Variants in RPTOR observed in about 807,000 individuals in gnomAD.
RPTOR encodes the protein regulatory associated protein of MTOR complex 1.
Under a neutral mutation model 169.9 loss-of-function variants are expected in RPTOR, and 21 were observed. That is an observed-to-expected ratio of 0.12 (90% CI 0.09 to 0.18). The LOEUF is 0.18. Among genes scored for constraint, RPTOR ranks in the 10% least tolerant of loss-of-function variants. The pLI, the probability that RPTOR is intolerant of heterozygous loss-of-function variation, is 1.00. For synonymous variants in RPTOR, 732 were observed against 753.2 expected, an observed-to-expected ratio of 0.97 and a Z score of 0.46; for missense variants, 1,133 against 1,855.9, an observed-to-expected ratio of 0.61 and a Z score of 7.16.
intron 1 of RPTOR, among the ~76,000 whole-genome samples, chr17:80,547,070 A>AAAAT (rs1200580965): frequency 2.0e-5 from 3 of 152,170 alleles, no homozygotes; most frequent in East Asian, 1.9e-4. Context: ...CTGTGTCTCA[A>AAAAT]AAATAAATAA....
chr17:80,951,067 G>T (rs1478837552), intron 28 of RPTOR, among the ~76,000 whole-genome samples: 1 of 152,008 alleles, frequency 6.6e-6, no homozygotes, highest in Non-Finnish European at 1.5e-5. Flanking sequence ...CCCCCTAGAA[G>T]CATCCACATG....
Position 80,707,738 on chromosome 17 carries a change from C to A in RPTOR, c.349-103C>A. 1 of 1,112,040 alleles carries A rather than the reference C, an allele frequency of 9.0e-7. No homozygotes were observed. Among genetic ancestry groups the A allele is most frequent in the Non-Finnish European group, 1.3e-6 (1 of 774,836 alleles). 68.9% of individuals were successfully genotyped at this position (1,112,040 alleles called of 1,614,324 possible). The stretch of plus-strand genomic sequence containing the variant: ...GAAACTCAGAGCCATGTGTCCAGGA[C>A]CACACAGCTATTAACTGCAAACCCA... On this transcript the variant is annotated intron_variant, in intron 3 of 33. Coordinates refer to ENST00000306801, the MANE Select transcript of RPTOR (RefSeq NM_020761.3). The surrounding 1 kb of genome is among the most constrained non-coding windows in gnomAD (Gnocchi z 5.0).
At chr17:80,832,064 G>T (rs528738153) in intron 9 of RPTOR, among the ~76,000 whole-genome samples, 1 of 152,354 alleles carries the variant, frequency 6.6e-6, no homozygotes, top group Admixed American at 6.5e-5. Flanking sequence ...GAGCCAGGTG[G>T]ATACGGAGGG....
chr17:80,901,747 T>C (rs2068478274), intron 20 of RPTOR, among the ~76,000 whole-genome samples: 1 of 152,148 alleles, frequency 6.6e-6, no homozygotes, highest in African/African-American at 2.4e-5. Flanking sequence ...CTCCCCATCT[T>C]TCCTGGTGCC....
intron 7 of RPTOR, among the ~76,000 whole-genome samples, chr17:80,810,564 TTTTTGTTTTGTTTTG>T (rs56792591): frequency 6.6e-6 from 1 of 151,700 alleles, no homozygotes; most frequent in Non-Finnish European, 1.5e-5. Context: ...TAAGTCTCTG[TTTTTGTTTTGTTTTG>T]TTTTGTTTTG....
intron 24 of RPTOR, among the ~76,000 whole-genome samples, chr17:80,931,861 C>A (rs979699313): frequency 3.4e-5 from 5 of 147,304 alleles, no homozygotes; most frequent in African/African-American, 1.2e-4. Context: ...GCACAGCAGT[C>A]GAGCTGTAGC....
chr17:80,767,887 CAG>C (rs776954976), intron 6 of RPTOR, among the ~76,000 whole-genome samples: 1 of 151,856 alleles, frequency 6.6e-6, no homozygotes, highest in Admixed American at 6.6e-5. Flanking sequence ...ATTTTTGAGA[CAG>C]AGTCTTGCTG....
At chr17:80,619,256 C>G (rs1316540785) in intron 1 of RPTOR, among the ~76,000 whole-genome samples, 2 of 152,106 alleles carry the variant, frequency 1.3e-5, no homozygotes, top group East Asian at 1.9e-4. Context: ...GAGCCACACT[C>G]TCAGTGTGGG....
At position 80,845,113 on chromosome 17, in the gene RPTOR, C is replaced by T. The variant is rs1440995176; in HGVS notation, c.1213-1360C>T. Among the ~76,000 whole-genome samples the T allele has an allele frequency of 2.6e-5, 4 of 152,062 alleles. No individual in the cohort carries two copies. The highest frequency in any genetic ancestry group is 7.2e-5 in the African/African-American group (3 of 41,392). On this transcript the variant is annotated intron_variant, in intron 10 of 33. Coordinates refer to ENST00000306801, the MANE Select transcript of RPTOR (RefSeq NM_020761.3). This position sits in a 1 kb window ranked among gnomAD's most constrained non-coding sequence, Gnocchi z 5.4. ...GCCGCTCAGTTCCGAGACCTTCCAA[C>T]GGCAGCCTCCCCTGCAGCCTTCACG...
chr17:80,951,976 C>T (rs1468418712), intron 28 of RPTOR, among the ~76,000 whole-genome samples: 1 of 152,252 alleles, frequency 6.6e-6, no homozygotes, highest in Non-Finnish European at 1.5e-5. Context: ...GACACAGACA[C>T]ACGTGCAGGG....
intron 1 of RPTOR, among the ~76,000 whole-genome samples, chr17:80,623,620 C>G (rs1206412607): frequency 6.6e-6 from 1 of 152,142 alleles, no homozygotes; most frequent in East Asian, 1.9e-4. Flanking sequence ...ACTGCAAACT[C>G]TGCCTCCCAG....
intron 20 of RPTOR, among the ~76,000 whole-genome samples, chr17:80,902,134 T>C (rs1445452984): frequency 6.6e-6 from 1 of 152,166 alleles, no homozygotes; most frequent in South Asian, 2.1e-4. Context: ...ATCCCTCCTA[T>C]TTCCAGTGCC....
chr17:80,647,284 G>A (rs1226060961), intron 3 of RPTOR, among the ~76,000 whole-genome samples: 3 of 152,196 alleles, frequency 2.0e-5, no homozygotes, highest in African/African-American at 4.8e-5. Context: ...AATGCCGACC[G>A]TTGTTTCAGT....
At chr17:80,722,240 T>C (rs2066292767) in intron 4 of RPTOR, among the ~76,000 whole-genome samples, 1 of 151,164 alleles carries the variant, frequency 6.6e-6, no homozygotes, top group South Asian at 2.1e-4. Context: ...ATTTTTCCCT[T>C]CTCAAATTTT....
intron 1 of RPTOR, among the ~76,000 whole-genome samples, chr17:80,587,786 T>TC (rs397936727): frequency 1.3e-5 from 2 of 151,622 alleles, no homozygotes; most frequent in Non-Finnish European, 3.0e-5. Context: ...TTTTTTTTTT[T>TC]GGTGGTGAGA....
chr17:80,957,934 C>T lies in RPTOR; in HGVS notation c.3477+204C>T, dbSNP rs560125025. ...CTGGATGAAGGTGAACTGCAACACC[C>T]AGCCCTGCGCTGCAGTATGGCTCAG... On this transcript the variant is annotated intron_variant, in intron 29 of 33. Coordinates refer to ENST00000306801, the MANE Select transcript of RPTOR (RefSeq NM_020761.3). The surrounding 1 kb of genome is among the most constrained non-coding windows in gnomAD (Gnocchi z 4.6). 2.2e-4 allele frequency among the ~76,000 whole-genome samples: 33 copies of T among 152,336 alleles called. No individual in the cohort carries two copies. Among genetic ancestry groups the T allele is most frequent in the Non-Finnish European group, 4.1e-4 (28 of 68,040 alleles).
At chr17:80,854,536 G>C (rs2067831254) in intron 11 of RPTOR, among the ~76,000 whole-genome samples, 1 of 152,220 alleles carries the variant, frequency 6.6e-6, no homozygotes, top group African/African-American at 2.4e-5. Context: ...TTATCTTAGT[G>C]GAAAAGAATC....
intron 5 of RPTOR, among the ~76,000 whole-genome samples, chr17:80,751,504 C>T (rs909049417): frequency 6.6e-6 from 1 of 152,110 alleles, no homozygotes; most frequent in Admixed American, 6.5e-5. Context: ...AACTACGCAA[C>T]TAAAAGTAAG....
Position 80,957,085 on chromosome 17 carries a change from G to T in RPTOR, c.3371-539G>T, listed in dbSNP as rs1217731558. On this transcript the variant is annotated intron_variant, in intron 28 of 33. Transcript: ENST00000306801. The surrounding 1 kb of genome is among the most constrained non-coding windows in gnomAD (Gnocchi z 4.6). ...GTTCCAGCTCAGAATTGTCACCCCGGCCTGGACTTGGGAGTTCCAGCTTAG... is the reference window on the plus strand; with the variant it reads ...GTTCCAGCTCAGAATTGTCACCCCGTCCTGGACTTGGGAGTTCCAGCTTAG... Among the ~76,000 whole-genome samples the T allele has an allele frequency of 6.6e-6, 1 of 151,776 alleles. No homozygotes were observed. The highest frequency in any genetic ancestry group is 1.5e-5 in the Non-Finnish European group (1 of 67,982).
Sources: gnomAD v4.1 joint callset for allele counts (sites outside exome capture counted in the v4.1 genomes callset) on GRCh38, gnomAD v4.1.1 for gene constraint, Gnocchi (gnomAD v3.1) non-coding constraint, MANE v1.5 for transcripts, NCBI Gene and HGNC (gene_info 2026-07-23, HGNC 2026-07-21) for gene names.